The following KDM1A variants were observed in gnomAD, a reference collection of about 807,000 sequenced individuals.
KDM1A encodes the protein lysine demethylase 1A.
KDM1A carries 49 observed loss-of-function variants against 109.4 expected under a neutral mutation model. The ratio of observed to expected loss-of-function variants is 0.45; its 90% CI spans 0.36 to 0.57. The LOEUF is 0.57. KDM1A is among the 20% of genes least tolerant of loss of function. The pLI, the probability that KDM1A is intolerant of heterozygous loss-of-function variation, is 0.00. For synonymous variants in KDM1A, 380 were observed against 415.4 expected (o/e 0.91, Z 1.04); for missense variants, 668 against 1,116.6 (o/e 0.60, Z 5.73).
At chr1:23,060,140 A>G (rs1430532481) in intron 9 of KDM1A, among the ~76,000 whole-genome samples, 2 of 152,216 alleles carry the variant, frequency 1.3e-5, no homozygotes, top group Non-Finnish European at 2.9e-5. Flanking sequence ...TTCTTGCAGA[A>G]TAAACTGAGC....
At chr1:23,060,586 G>A (rs1235337272) in intron 9 of KDM1A, among the ~76,000 whole-genome samples, 1 of 152,200 alleles carries the variant, frequency 6.6e-6, no homozygotes, top group Non-Finnish European at 1.5e-5. Flanking sequence ...GATCTGGAGG[G>A]AAGGAGAGCA....
intron 20 of KDM1A, chr1:23,082,967 T>C: frequency 3.9e-6 from 2 of 516,112 alleles, no homozygotes; most frequent in Non-Finnish European, 7.0e-6. Flanking sequence ...ACTTTAGGAC[T>C]GAGCCTAGGT....
intron 9 of KDM1A, among the ~76,000 whole-genome samples, chr1:23,063,314 CT>C (rs1643071102): frequency 6.7e-6 from 1 of 149,504 alleles, no homozygotes; most frequent in East Asian, 2.0e-4. Flanking sequence ...TTGATTGCTT[CT>C]TGAGAATGGT....
chr1:23,031,031 A>G (rs1307921701), intron 2 of KDM1A, among the ~76,000 whole-genome samples: 2 of 152,240 alleles, frequency 1.3e-5, no homozygotes, highest in African/African-American at 4.8e-5. Context: ...GTTCTGGCTA[A>G]ATGATGTGTT....
chr1:23,063,246 GT>G (rs1311735272), intron 9 of KDM1A, among the ~76,000 whole-genome samples: 1 of 142,704 alleles, frequency 7.0e-6, no homozygotes, highest in Admixed American at 7.2e-5. Flanking sequence ...GTGTGTGTGT[GT>G]GTGTGTGTAC....
In KDM1A at chr1:23,019,959, C is replaced by G. The variant is rs770424071; in HGVS notation, c.351+12C>G. On this transcript the variant is annotated intron_variant, in intron 1 of 20. Coordinates refer to ENST00000400181, the MANE Select transcript of KDM1A (RefSeq NM_001009999.3). ...GCAAGCGGGCGAAGGTAAGGCTCGACCCTTCCCTCAAACGACACCGCCTGG... is the reference window on the plus strand; with the variant it reads ...GCAAGCGGGCGAAGGTAAGGCTCGAGCCTTCCCTCAAACGACACCGCCTGG... 1.4e-5 allele frequency: 21 copies of G among 1,522,746 alleles called. No individual in the cohort carries two copies. The highest frequency in any genetic ancestry group is 1.5e-5 in the Non-Finnish European group (17 of 1,139,528). 94.3% of individuals were successfully genotyped at this position (1,522,746 alleles called of 1,614,324 possible). A position where few individuals can be genotyped will look rare whatever the true frequency, so the allele number is the denominator to read the frequency against.
chr1:23,082,505 G>C lies in KDM1A; in HGVS notation c.2445+139G>C, dbSNP rs1422398367. On this transcript the variant is annotated intron_variant, in intron 20 of 20. Transcript: ENST00000400181. ...AGATAACCAAGAGCAGAGTTAAAAGGATGGGCAGCATTTCTGATTTCTCAT... is the reference window on the plus strand; with the variant it reads ...AGATAACCAAGAGCAGAGTTAAAAGCATGGGCAGCATTTCTGATTTCTCAT... 6.4e-6 allele frequency: 5 copies of C among 775,514 alleles called. No homozygotes were observed. In the African/African-American group the frequency reaches 8.7e-5, roughly 14 times the overall value. The allele number at this position is 775,514 out of a possible 1,614,324, so 48.0% of individuals were successfully genotyped here. A position where few individuals can be genotyped will look rare whatever the true frequency, so the allele number is the denominator to read the frequency against.
intron 3 of KDM1A, among the ~76,000 whole-genome samples, chr1:23,048,570 A>T (rs1642569199): frequency 6.6e-6 from 1 of 152,144 alleles, no homozygotes; most frequent in Non-Finnish European, 1.5e-5. Context: ...GTAGATGGAT[A>T]GTTTTTTCTC....
intron 12 of KDM1A, among the ~76,000 whole-genome samples, chr1:23,069,997 A>C (rs1346268085): frequency 1.3e-5 from 2 of 152,324 alleles, no homozygotes; most frequent in East Asian, 1.9e-4. Context: ...CATCCTGTCT[A>C]ATGAAGAGAT....
chr1:23,082,006 A>AAT lies in KDM1A; in HGVS notation c.2299-214_2299-213insAT. ...CCTGTGTAGATCTCTGGATTCATAG[A>AAT]CAGGAAGGCAACATGGAGGGGCATC... On this transcript the variant is annotated intron_variant, in intron 19 of 20. Transcript: ENST00000400181. The AAT allele has an allele frequency of 2.7e-5, 7 of 255,882 alleles. No individual in the cohort carries two copies. The South Asian group carries it at 5.4e-4, about 20-fold the overall frequency. The allele number at this position is 255,882 out of a possible 1,614,324, so 15.9% of individuals were successfully genotyped here.
chr1:23,063,238 G>A lies in KDM1A; in HGVS notation c.1168-2822G>A, dbSNP rs1643067467. Among the ~76,000 whole-genome samples the A allele has an allele frequency of 2.9e-5, 4 of 136,754 alleles. No homozygotes were observed. In the South Asian group the frequency reaches 9.3e-4, roughly 32 times the overall value. 89.7% of individuals were successfully genotyped at this position (136,754 alleles called of 152,430 possible). On this transcript the variant is annotated intron_variant, in intron 9 of 20. Coordinates refer to ENST00000400181, the MANE Select transcript of KDM1A (RefSeq NM_001009999.3). ...GTGGGGTGGGTGTGTGTGGGTGTGTGTGTGTGTGTGTGTGTGTACCAGCTG... is the reference window on the plus strand; with the variant it reads ...GTGGGGTGGGTGTGTGTGGGTGTGTATGTGTGTGTGTGTGTGTACCAGCTG...
chr1:23,072,283 G>T, intron 14 of KDM1A, 86 bp downstream of exon 14: 1 of 955,920 alleles, frequency 1.0e-6, no homozygotes, highest in Non-Finnish European at 1.6e-6. Flanking sequence ...AAATCATAAT[G>T]AGCTTTTATT....
intron 2 of KDM1A, among the ~76,000 whole-genome samples, chr1:23,033,447 G>A (rs915038763): frequency 9.9e-5 from 15 of 151,920 alleles, no homozygotes; most frequent in African/African-American, 2.7e-4. Flanking sequence ...GCTTGAACCC[G>A]GGAGGCAGAG....
intron 1 of KDM1A, among the ~76,000 whole-genome samples, chr1:23,022,081 A>G (rs1321013145): frequency 6.6e-6 from 1 of 152,204 alleles, no homozygotes; most frequent in African/African-American, 2.4e-5. Context: ...TTTGACGCAC[A>G]TTGGGGTTTG....
chr1:23,019,498 C>T lies in KDM1A; in HGVS notation c.-99C>T. The T allele has an allele frequency of 7.7e-7, 1 of 1,296,576 alleles. No homozygotes were observed. Among genetic ancestry groups the T allele is most frequent in the Non-Finnish European group, 9.8e-7 (1 of 1,022,784 alleles). The allele number at this position is 1,296,576 out of a possible 1,614,324, so 80.3% of individuals were successfully genotyped here. Reference sequence around the variant, plus strand: ...GTGCGTACGCGACGGCGGTTGGCGGCGCGCGGGCAGCGTGAAGCGAGGCGA... The same window carrying T: ...GTGCGTACGCGACGGCGGTTGGCGGTGCGCGGGCAGCGTGAAGCGAGGCGA... On this transcript the variant is annotated 5_prime_UTR_variant, in exon 1 of 21. Coordinates refer to ENST00000400181, the MANE Select transcript of KDM1A (RefSeq NM_001009999.3).
chr1:23,056,029 G>A lies in KDM1A; in HGVS notation c.981G>A (p.Leu327=). The change falls in exon 7 of 21, where the codon TTG becomes TTA. Residue 327 remains leucine, a synonymous_variant. Transcript: ENST00000400181. ...GTTTTGGAATGGATGTCACACTTTT[G>A]GAAGCCAGGGTAAGAATTTCATTTT... ...LQSFGMDVTL[L]EARDRVGGRV... 6.2e-7 allele frequency: 1 copy of A among 1,609,624 alleles called. No homozygotes were observed. Among genetic ancestry groups the A allele is most frequent in the Non-Finnish European group, 8.5e-7 (1 of 1,176,398 alleles).
In KDM1A at chr1:23,068,658, C is replaced by A. The variant is rs748779065; in HGVS notation, c.1299C>A (p.Gly433=). ...NVLNNKPVSL[G]QALEVVIQLQ... The stretch of plus-strand genomic sequence containing the variant: ...TCAATAATAAGCCTGTGTCCCTTGG[C>A]CAGGCATTGGAAGTTGTCATTCAGT... The change falls in exon 11 of 21, where the codon GGC becomes GGA. Residue 433 remains glycine (G), a synonymous_variant. Transcript: ENST00000400181. 1 of 1,573,328 alleles carries A rather than the reference C, an allele frequency of 6.4e-7. No individual in the cohort carries two copies. Among genetic ancestry groups the A allele is most frequent in the Non-Finnish European group, 8.6e-7 (1 of 1,167,974 alleles).
At chr1:23,033,416 G>A (rs928313134) in intron 2 of KDM1A, among the ~76,000 whole-genome samples, 2 of 151,994 alleles carry the variant, frequency 1.3e-5, no homozygotes, top group East Asian at 1.9e-4. Flanking sequence ...CAGCTACTTG[G>A]GAGGCTGAGG....
chr1:23,049,852 T>C (rs72657821), intron 3 of KDM1A, among the ~76,000 whole-genome samples: 9,467 of 152,242 alleles, frequency 0.062, 379 homozygotes, highest in Non-Finnish European at 0.093. Context: ...TTCTGTCTTA[T>C]TGTTGTCTGC....
Sources: gnomAD v4.1 joint callset for allele counts (sites outside exome capture counted in the v4.1 genomes callset) on GRCh38, gnomAD v4.1.1 for gene constraint, MANE v1.5 for transcripts, NCBI Gene and HGNC (gene_info 2026-07-23, HGNC 2026-07-21) for gene names.